The following BCL11A variants were observed in gnomAD, a reference collection of about 807,000 sequenced individuals.
BCL11A encodes the protein BCL11 transcription factor A.
A neutral mutation model predicts 55.9 loss-of-function variants in BCL11A; 2 were observed. That is an observed-to-expected ratio of 0.04 (90% CI 0.01 to 0.11). The LOEUF (loss-of-function observed/expected upper bound fraction) is 0.11. Ranked by LOEUF, BCL11A falls within the 10% of genes least tolerant of loss-of-function variation. BCL11A has a pLI of 1.00. For synonymous variants in BCL11A, 465 were observed against 473.4 expected, an observed-to-expected ratio of 0.98 and a Z score of 0.23; for missense variants, 817 against 1,137.1, an observed-to-expected ratio of 0.72 and a Z score of 4.05.
chr2:60,538,737 C>CTGTG (rs771828867), intron 2 of BCL11A, among the ~76,000 whole-genome samples: 25 of 118,754 alleles, frequency 2.1e-4, no homozygotes, highest in African/African-American at 7.7e-4. Flanking sequence ...CTCTCTCTCT[C>CTGTG]TCTGTGTGTG....
chr2:60,539,564 A>T (rs774895888), intron 2 of BCL11A, among the ~76,000 whole-genome samples: 69 of 152,252 alleles, frequency 4.5e-4, no homozygotes, highest in Admixed American at 8.5e-4. Flanking sequence ...ATATGGAATA[A>T]GTTACATTTT....
intron 2 of BCL11A, among the ~76,000 whole-genome samples, chr2:60,478,899 G>A (rs1485072704): frequency 1.3e-5 from 2 of 151,986 alleles, no homozygotes; most frequent in Non-Finnish European, 2.9e-5. Flanking sequence ...CCCAGCCTCA[G>A]TCCTCATCTC....
At chr2:60,525,514 T>G (rs955847887) in intron 2 of BCL11A, 1 of 152,162 alleles carries the variant, frequency 6.6e-6, no homozygotes, top group Non-Finnish European at 1.5e-5. Flanking sequence ...GAAAATAATA[T>G]TCTGCTGTCT....
intron 2 of BCL11A, among the ~76,000 whole-genome samples, chr2:60,511,257 T>C (rs1679970497): frequency 6.6e-6 from 1 of 152,230 alleles, no homozygotes; most frequent in African/African-American, 2.4e-5. Flanking sequence ...CCCTTCTACC[T>C]GAGAGCCCGG....
chr2:60,473,433 C>T (rs1017392871), intron 2 of BCL11A, among the ~76,000 whole-genome samples: 2 of 152,110 alleles, frequency 1.3e-5, no homozygotes, highest in African/African-American at 4.8e-5. Flanking sequence ...AGTCCTTTCG[C>T]AGTCCATAAT....
At chr2:60,495,370 A>G (rs1452053892) in intron 2 of BCL11A, among the ~76,000 whole-genome samples, 3 of 152,186 alleles carry the variant, frequency 2.0e-5, no homozygotes, top group Non-Finnish European at 2.9e-5. Context: ...GGCCTATGTT[A>G]TTACCTGTAT....
intron 3 of BCL11A, among the ~76,000 whole-genome samples, chr2:60,464,865 T>C (rs955900417): frequency 3.9e-5 from 6 of 152,230 alleles, no homozygotes; most frequent in Non-Finnish European, 7.3e-5. Flanking sequence ...CTCTCTCTCA[T>C]ACATCAGGTC....
At chr2:60,530,152 C>T (rs1669381515) in intron 2 of BCL11A, among the ~76,000 whole-genome samples, 1 of 152,088 alleles carries the variant, frequency 6.6e-6, no homozygotes, top group South Asian at 2.1e-4. Context: ...CAAGCCCAAA[C>T]ACATGGGTTT....
chr2:60,461,449 T>C lies in BCL11A; in HGVS notation c.1463A>G (p.Glu488Gly), dbSNP rs1325120546. Residue 488 changes from glutamate (E) to glycine (G), a missense_variant, in exon 4 of 4, where the codon GAG becomes GGG. Around this residue, in one of 4 missense-constraint regions of BCL11A, gnomAD observed 379 missense variants for 425.3 expected, o/e 0.89. Coordinates refer to ENST00000642384, the MANE Select transcript of BCL11A (RefSeq NM_022893.4). Reference sequence around the variant, plus strand: ...TTCTTCCTCTTCCTCGTCGTCCTCCTCTTCCTCCTCGTCCCCGTTCTCCGG... The same window carrying C: ...TTCTTCCTCTTCCTCGTCGTCCTCCCCTTCCTCCTCGTCCCCGTTCTCCGG... Reference protein sequence around the residue: ...LIPENGDEEEEEDDEEEEEEE... With the variant: ...LIPENGDEEEGEDDEEEEEEE... 1 of 1,604,354 alleles carries C rather than the reference T, an allele frequency of 6.2e-7. No homozygotes were observed. The highest frequency in any genetic ancestry group is 8.5e-7 in the Non-Finnish European group (1 of 1,179,304).
chr2:60,521,924 A>G (rs530461542), intron 2 of BCL11A, among the ~76,000 whole-genome samples: 33 of 152,304 alleles, frequency 2.2e-4, no homozygotes, highest in African/African-American at 7.5e-4. Context: ...AATGGGGGAC[A>G]GTGCACAGTA....
At chr2:60,505,877 G>A (rs887193011) in intron 2 of BCL11A, among the ~76,000 whole-genome samples, 4 of 152,158 alleles carry the variant, frequency 2.6e-5, no homozygotes, top group Non-Finnish European at 5.9e-5. Context: ...CCAAAACAAC[G>A]GTGGGCAGAA....
intron 2 of BCL11A, among the ~76,000 whole-genome samples, chr2:60,498,859 T>C (rs1424740078): frequency 1.3e-5 from 2 of 152,034 alleles, no homozygotes; most frequent in Non-Finnish European, 1.5e-5. Context: ...ATACATACAT[T>C]TGAATTACCT....
upstream of BCL11A, chr2:60,553,674 C>A: frequency 8.7e-6 from 2 of 230,432 alleles, no homozygotes; most frequent in Non-Finnish European, 1.6e-5. Flanking sequence ...ATGGGCAGGG[C>A]GAGCAGGAGA....
rs113627599 is a variant in BCL11A at position 60,514,912 on chromosome 2, G to GAA, written c.385+31057_385+31058dup. Among the ~76,000 whole-genome samples the GAA allele has an allele frequency of 2.5e-3, 376 of 150,572 alleles. 3 individuals carry two copies. The highest frequency in any genetic ancestry group is 8.4e-3 in the African/African-American group (344 of 40,980). On this transcript the variant is annotated intron_variant, in intron 2 of 3. Coordinates refer to ENST00000642384, the MANE Select transcript of BCL11A (RefSeq NM_022893.4). The stretch of plus-strand genomic sequence containing the variant: ...GAAAAGAGAGACAGAGAGAGAGAGA[G>GAA]AATCACCTTTTAAACTCATCCAAGA...
At chr2:60,545,595 C>A in intron 2 of BCL11A, 1 of 204,942 alleles carries the variant, frequency 4.9e-6, no homozygotes, top group South Asian at 7.7e-5. Context: ...CCTATATGGC[C>A]ACTTTGCCTC....
In BCL11A at chr2:60,467,249, GTAA is replaced by G. The variant is rs1359474985; in HGVS notation, c.487+1480_487+1482del. On this transcript the variant is annotated intron_variant, in intron 3 of 3. Coordinates refer to ENST00000642384, the MANE Select transcript of BCL11A (RefSeq NM_022893.4). The stretch of plus-strand genomic sequence containing the variant: ...GGTGGTGGTGGTAGTGATGGTGGTG[GTAA>G]TGGTGGTGGTGGTGATGGTGGTGGT... Among the ~76,000 whole-genome samples the G allele has an allele frequency of 1.1e-3, 105 of 99,908 alleles. 1 individual carries two copies. Among genetic ancestry groups the G allele is most frequent in the Admixed American group, 1.6e-3 (15 of 9,542 alleles). 65.5% of individuals were successfully genotyped at this position (99,908 alleles called of 152,430 possible). A position where few individuals can be genotyped will look rare whatever the true frequency, so the allele number is the denominator to read the frequency against.
At chr2:60,512,493 T>A (rs1388333553) in intron 2 of BCL11A, among the ~76,000 whole-genome samples, 1 of 152,198 alleles carries the variant, frequency 6.6e-6, no homozygotes, top group Non-Finnish European at 1.5e-5. Flanking sequence ...TGAGAGAGGA[T>A]GCTTGCCTTC....
At chr2:60,467,294 GTGGTAA>G (rs1676754647) in intron 3 of BCL11A, among the ~76,000 whole-genome samples, 1 of 100,174 alleles carries the variant, frequency 1.0e-5, no homozygotes, top group Admixed American at 1.0e-4. Context: ...AGTGATGGTG[GTGGTAA>G]TGGTGGTGGT....
intron 2 of BCL11A, chr2:60,483,954 A>G (rs1278904810): frequency 1.3e-5 from 2 of 152,140 alleles, no homozygotes; most frequent in East Asian, 3.8e-4. Flanking sequence ...CTTCTGTTAA[A>G]AATCAGAAGC....
Sources: gnomAD v4.1 joint callset for allele counts (sites outside exome capture counted in the v4.1 genomes callset) on GRCh38, gnomAD v4.1.1 for gene constraint, gnomAD v4.1.1 regional missense constraint, MANE v1.5 for transcripts, NCBI Gene and HGNC (gene_info 2026-07-23, HGNC 2026-07-21) for gene names.